The following SMARCA2 variants were observed in gnomAD, a reference collection of about 807,000 sequenced individuals.
SMARCA2 encodes SWI/SNF-related matrix-associated actin-dependent regulator of chromatin subfamily A member 2.
In SMARCA2, 61 loss-of-function variants were observed where a neutral mutation model predicts 199.8. That is an observed-to-expected ratio of 0.31 (90% CI 0.25 to 0.38). SMARCA2 has a LOEUF of 0.38. Ranked by LOEUF, SMARCA2 falls within the 10% of genes least tolerant of loss-of-function variation. The pLI is 1.00. For missense variants in SMARCA2, 1,344 were observed against 2,012.2 expected (o/e 0.67, Z 6.35); for synonymous variants, 935 against 732.0 (o/e 1.28, Z -4.48).
rs554183605 is a variant in SMARCA2, at chr9:2,071,694, C to T, written c.1746+1223C>T. ...CTTCTGTTCTCATTCAGCGCTTTTGCCAAGGTTCTAATTCCATCTACAGTG... is the reference window on the plus strand; with the variant it reads ...CTTCTGTTCTCATTCAGCGCTTTTGTCAAGGTTCTAATTCCATCTACAGTG... On this transcript the variant is annotated intron_variant, in intron 10 of 33. Coordinates refer to ENST00000349721, the MANE Select transcript of SMARCA2 (RefSeq NM_003070.5). Among the ~76,000 whole-genome samples, 196 of 152,228 alleles carry T rather than the reference C, an allele frequency of 1.3e-3. 1 individual carries two copies. The highest frequency in any genetic ancestry group is 4.4e-3 in the African/African-American group (182 of 41,536).
chr9:2,143,369 C>T (rs963399553), intron 27 of SMARCA2, among the ~76,000 whole-genome samples: 1 of 152,186 alleles, frequency 6.6e-6, no homozygotes, highest in Admixed American at 6.5e-5. Context: ...GGGCTTTATT[C>T]TATTTCACAG....
rs1210147115 is a variant in SMARCA2 at position 2,056,308 on chromosome 9, G to A, written c.1174-364G>A. The stretch of plus-strand genomic sequence containing the variant: ...TTAAACACAAAGAGAATGTTAACAT[G>A]ACACTTAAAACAAAGCGGAAAATTT... On this transcript the variant is annotated intron_variant, in intron 6 of 33. Coordinates refer to ENST00000349721, the MANE Select transcript of SMARCA2 (RefSeq NM_003070.5). This position sits in a 1 kb window ranked among gnomAD's most constrained non-coding sequence, Gnocchi z 4.0. 6.6e-6 allele frequency among the ~76,000 whole-genome samples: 1 copy of A among 152,134 alleles called. No homozygotes were observed. Among genetic ancestry groups the A allele is most frequent in the East Asian group, 1.9e-4 (1 of 5,192 alleles).
chr9:2,106,200 AG>A, intron 23 of SMARCA2, among the ~76,000 whole-genome samples: 1 of 152,380 alleles, frequency 6.6e-6, no homozygotes, highest in East Asian at 1.9e-4. Context: ...TGGTGAAACC[AG>A]GTTCTAACTT....
intron 27 of SMARCA2, among the ~76,000 whole-genome samples, chr9:2,149,578 C>T (rs188415980): frequency 7.3e-5 from 11 of 151,546 alleles, no homozygotes; most frequent in Admixed American, 6.6e-4. Context: ...AAGATTTATT[C>T]ACTACCATGA....
At chr9:2,132,387 G>A (rs1824001189) in intron 27 of SMARCA2, among the ~76,000 whole-genome samples, 1 of 152,132 alleles carries the variant, frequency 6.6e-6, no homozygotes, top group Admixed American at 6.5e-5. Context: ...TCTCCTGACA[G>A]CATTAGTGAT....
At chr9:2,096,635 C>T (rs1206124074) in intron 19 of SMARCA2, 22 bp from the exon 20 acceptor site, 1 of 1,533,778 alleles carries the variant, frequency 6.5e-7, no homozygotes, top group South Asian at 1.1e-5. Flanking sequence ...CTCTTGCCTA[C>T]TTACTGTTCT....
chr9:2,170,637 G>A lies in SMARCA2; in HGVS notation c.4253+165G>A, dbSNP rs1410995256. On this transcript the variant is annotated intron_variant, in intron 29 of 33. Transcript: ENST00000349721. This position sits in a 1 kb window ranked among gnomAD's most constrained non-coding sequence, Gnocchi z 4.7. The stretch of plus-strand genomic sequence containing the variant: ...GAGGCACAGATACTCTTAAACAGCT[G>A]TCATGGCTTCTGAAGTTGTTGGTGC... 6.6e-6 allele frequency among the ~76,000 whole-genome samples: 1 copy of A among 152,186 alleles called. No individual in the cohort carries two copies.
intron 27 of SMARCA2, chr9:2,158,407 T>C (rs1360705211): frequency 6.5e-6 from 1 of 152,896 alleles, no homozygotes; most frequent in Non-Finnish European, 1.5e-5. Flanking sequence ...GGAAGGAAAG[T>C]GTTAATTTCT....
chr9:2,175,337 ACT>A (rs1469882976), intron 29 of SMARCA2, among the ~76,000 whole-genome samples: 1 of 143,664 alleles, frequency 7.0e-6, no homozygotes, highest in African/African-American at 2.6e-5. Context: ...ACACAAAAAC[ACT>A]CTCTGGATCT....
At chr9:2,185,114 G>A (rs1586812875) in intron 31 of SMARCA2, among the ~76,000 whole-genome samples, 2 of 151,874 alleles carry the variant, frequency 1.3e-5, no homozygotes, top group Non-Finnish European at 2.9e-5. Flanking sequence ...ACTTTGATGG[G>A]CAACAGATCT....
intron 31 of SMARCA2, among the ~76,000 whole-genome samples, chr9:2,182,731 G>A (rs951025275): frequency 2.0e-5 from 3 of 151,474 alleles, no homozygotes; most frequent in African/African-American, 7.3e-5. Flanking sequence ...CTGACCTCAG[G>A]TGATCCGCCT....
chr9:2,090,766 A>G (rs2130501815), intron 19 of SMARCA2, among the ~76,000 whole-genome samples: 1 of 152,014 alleles, frequency 6.6e-6, no homozygotes, highest in African/African-American at 2.4e-5. Flanking sequence ...ATCTCTCTCC[A>G]TAAACTTTTC....
At chr9:2,175,125 C>T (rs141292487) in intron 29 of SMARCA2, among the ~76,000 whole-genome samples, 2 of 152,022 alleles carry the variant, frequency 1.3e-5, no homozygotes, top group East Asian at 1.9e-4. Context: ...GCGGGTCATC[C>T]GGTGTCTGTC....
chr9:2,174,995 G>T (rs1393810213), intron 29 of SMARCA2, among the ~76,000 whole-genome samples: 1 of 148,800 alleles, frequency 6.7e-6, no homozygotes, highest in Non-Finnish European at 1.5e-5. Context: ...AGGATATTCA[G>T]TGGAAGGGAA....
chr9:2,160,093 G>T, intron 27 of SMARCA2: 1 of 721,894 alleles, frequency 1.4e-6, no homozygotes, highest in Non-Finnish European at 2.2e-6. Context: ...AGCATGTTCA[G>T]CCTCCAAGAT....
chr9:2,015,816 C>G (rs1818329746), intron 1 of SMARCA2, among the ~76,000 whole-genome samples: 1 of 152,324 alleles, frequency 6.6e-6, no homozygotes, highest in East Asian at 1.9e-4. Context: ...GCAACACACA[C>G]ATTGGGCCAG....
rs1823549807 is a variant in SMARCA2, at chr9:2,123,380, C to A, written c.3763-339C>A. Among the ~76,000 whole-genome samples, 1 of 152,130 alleles carries A rather than the reference C, an allele frequency of 6.6e-6. No homozygotes were observed. The highest frequency in any genetic ancestry group is 1.5e-5 in the Non-Finnish European group (1 of 68,028). ...GCAATGAGTTGTATAGCCAAGAGGT[C>A]ATATTTTTAAAATGCATTCCCAATT... On this transcript the variant is annotated intron_variant, in intron 26 of 33. Transcript: ENST00000349721. The surrounding 1 kb of genome is among the most constrained non-coding windows in gnomAD (Gnocchi z 4.1).
chr9:2,056,042 C>A lies in SMARCA2; in HGVS notation c.1174-630C>A, dbSNP rs532975945. Among the ~76,000 whole-genome samples the A allele has an allele frequency of 2.0e-5, 3 of 152,290 alleles. No individual in the cohort carries two copies. The highest frequency in any genetic ancestry group is 7.2e-5 in the African/African-American group (3 of 41,562). ...TGTATTCTCCAGTCCCTACCCCCTA[C>A]CACCACATAACATGCAATACAGATA... On this transcript the variant is annotated intron_variant, in intron 6 of 33. Transcript: ENST00000349721. This position sits in a 1 kb window ranked among gnomAD's most constrained non-coding sequence, Gnocchi z 4.0.
intron 7 of SMARCA2, chr9:2,058,052 A>G (rs2130350459): frequency 5.2e-6 from 2 of 387,320 alleles, no homozygotes; most frequent in South Asian, 8.0e-5. Flanking sequence ...CCTCAAGGCT[A>G]AGGAGGCTTC....
Sources: allele counts gnomAD v4.1 joint callset (sites outside exome capture counted in the v4.1 genomes callset), GRCh38; gene constraint gnomAD v4.1.1; non-coding constraint Gnocchi (gnomAD v3.1); transcripts MANE v1.5; gene names NCBI Gene and HGNC (gene_info 2026-07-23, HGNC 2026-07-21).